ITPRID1: variants seen among roughly 807,000 people sequenced by gnomAD.
The protein encoded by ITPRID1 is ITPR interacting domain containing 1, also known as protein ITPRID1.
Under a neutral mutation model 95.4 loss-of-function variants are expected in ITPRID1, and 96 were observed. That is an observed-to-expected ratio of 1.01 (90% CI 0.85 to 1.19). ITPRID1 has a LOEUF of 1.19. Among genes scored for constraint, ITPRID1 ranks in the 50% most tolerant of loss-of-function variants. The pLI, the probability that ITPRID1 is intolerant of heterozygous loss-of-function variation, is 0.00. For missense variants in ITPRID1, 1,339 were observed against 1,252.9 expected (o/e 1.07, Z -1.04); for synonymous variants, 510 against 453.6 (o/e 1.12, Z -1.58).
At chr7:31,537,296 A>G (rs763982726) in intron 1 of ITPRID1, among the ~76,000 whole-genome samples, 6 of 152,114 alleles carry the variant, frequency 3.9e-5, no homozygotes, top group Non-Finnish European at 7.3e-5. Context: ...AAAGTATTAG[A>G]CACCCCACAA....
At chr7:31,578,904 C>G (rs976708646) in intron 9 of ITPRID1, among the ~76,000 whole-genome samples, 3 of 152,166 alleles carry the variant, frequency 2.0e-5, no homozygotes, top group East Asian at 3.9e-4. Context: ...CCCAAAAAGA[C>G]TCTCAGCTCC....
In ITPRID1 at chr7:31,551,883, A is replaced by C. The variant is rs900395762; in HGVS notation, c.-23-1119A>C. Reference sequence around the variant, plus strand: ...TTGGCCATTTCTGTAAACTTGAAGGATAAACGAATGCAAATTAAAGCATAT... The same window carrying C: ...TTGGCCATTTCTGTAAACTTGAAGGCTAAACGAATGCAAATTAAAGCATAT... On this transcript the variant is annotated intron_variant, in intron 2 of 14. Transcript: ENST00000615280. 9 of 415,458 alleles carry C rather than the reference A, an allele frequency of 2.2e-5. 1 individual carries two copies. The highest frequency in any genetic ancestry group is 4.4e-5 in the Non-Finnish European group (9 of 205,946). The allele number at this position is 415,458 out of a possible 1,614,324, so 25.7% of individuals were successfully genotyped here.
chr7:31,543,793 T>C lies in ITPRID1; in HGVS notation c.-97-5633T>C, dbSNP rs111680263. On this transcript the variant is annotated intron_variant, in intron 1 of 14. Coordinates refer to ENST00000615280, the MANE Select transcript of ITPRID1 (RefSeq NM_001257967.3). ...CATGGAGATCATCGTATCACTTTTT[T>C]ACTTCATGGATTGTTCCTTTGGTGT... Among the ~76,000 whole-genome samples the C allele has an allele frequency of 4.9e-3, 751 of 152,254 alleles. 5 individuals carry two copies. Among genetic ancestry groups the C allele is most frequent in the African/African-American group, 0.017 (715 of 41,556 alleles).
At chr7:31,538,901 C>T (rs552524858) in intron 1 of ITPRID1, among the ~76,000 whole-genome samples, 6 of 152,228 alleles carry the variant, frequency 3.9e-5, no homozygotes, top group African/African-American at 4.8e-5. Flanking sequence ...ACTTTCACCC[C>T]GTAAGTTTTG....
chr7:31,619,724 C>G (rs546037064), intron 10 of ITPRID1, among the ~76,000 whole-genome samples: 19 of 152,054 alleles, frequency 1.2e-4, no homozygotes, highest in African/African-American at 2.4e-5. Context: ...GGTACCAGTT[C>G]CATCTCACTA....
chr7:31,625,483 G>T (rs1788366064), intron 10 of ITPRID1, among the ~76,000 whole-genome samples: 1 of 152,122 alleles, frequency 6.6e-6, no homozygotes, highest in Non-Finnish European at 1.5e-5. Flanking sequence ...GGACATGGAT[G>T]AAATTGGAAA....
chr7:31,627,300 T>A (rs1018389380), intron 10 of ITPRID1, among the ~76,000 whole-genome samples: 5 of 152,132 alleles, frequency 3.3e-5, no homozygotes, highest in African/African-American at 1.2e-4. Flanking sequence ...CAGTAAAAAG[T>A]AATATTGGGG....
At chr7:31,553,812 C>T (rs1784363357) in intron 3 of ITPRID1, among the ~76,000 whole-genome samples, 1 of 152,120 alleles carries the variant, frequency 6.6e-6, no homozygotes, top group Non-Finnish European at 1.5e-5. Context: ...ACAAAATTAG[C>T]CTAGAGTACA....
chr7:31,613,495 A>AT (rs1227818915), intron 10 of ITPRID1, among the ~76,000 whole-genome samples: 1 of 151,950 alleles, frequency 6.6e-6, no homozygotes, highest in Admixed American at 6.6e-5. Flanking sequence ...TTTCTATGGG[A>AT]TTTTTGCAAA....
At chr7:31,650,405 TC>T (rs1486026276) in intron 12 of ITPRID1, among the ~76,000 whole-genome samples, 3 of 152,054 alleles carry the variant, frequency 2.0e-5, no homozygotes, top group African/African-American at 7.2e-5. Context: ...TCCAAAGTTC[TC>T]AGGAGCTGCA....
intron 10 of ITPRID1, among the ~76,000 whole-genome samples, chr7:31,625,639 G>A (rs936023530): frequency 5.9e-5 from 9 of 152,010 alleles, no homozygotes; most frequent in African/African-American, 2.2e-4. Flanking sequence ...GGAGGAGGGG[G>A]GAGGGATAGC....
chr7:31,586,709 T>G, intron 10 of ITPRID1, among the ~76,000 whole-genome samples: 1 of 151,912 alleles, frequency 6.6e-6, no homozygotes, highest in African/African-American at 2.4e-5. Context: ...CTTGTAAATT[T>G]GTTTGAGTTC....
intron 1 of ITPRID1, among the ~76,000 whole-genome samples, chr7:31,522,310 A>G (rs1331968049): frequency 6.6e-6 from 1 of 152,134 alleles, no homozygotes; most frequent in Non-Finnish European, 1.5e-5. Context: ...TGACTTCTCT[A>G]TTTGAAATCC....
intron 2 of ITPRID1, chr7:31,551,878 GA>G: frequency 4.9e-6 from 2 of 412,120 alleles, no homozygotes; most frequent in Admixed American, 2.6e-5. Flanking sequence ...CTGTAAACTT[GA>G]AGGATAAACG....
intron 1 of ITPRID1, chr7:31,529,954 C>G: frequency 1.5e-6 from 1 of 670,402 alleles, no homozygotes; most frequent in Non-Finnish European, 2.6e-6. Context: ...AACTTCTTTA[C>G]CTGCAGCTGT....
At chr7:31,540,252 G>C (rs1049989440) in intron 1 of ITPRID1, among the ~76,000 whole-genome samples, 36 of 152,230 alleles carry the variant, frequency 2.4e-4, no homozygotes, top group African/African-American at 8.4e-4. Flanking sequence ...CTCACTAGAC[G>C]TGGGGGTGAA....
At chr7:31,541,549 T>A (rs770814043) in intron 1 of ITPRID1, among the ~76,000 whole-genome samples, 4 of 152,186 alleles carry the variant, frequency 2.6e-5, no homozygotes, top group Non-Finnish European at 4.4e-5. Context: ...CAATTATAAT[T>A]ATTACTGATA....
At chr7:31,571,214 G>C (rs1049503571) in intron 6 of ITPRID1, among the ~76,000 whole-genome samples, 2 of 152,100 alleles carry the variant, frequency 1.3e-5, no homozygotes, top group East Asian at 1.9e-4. Flanking sequence ...TTTTAGTGGA[G>C]AGGGGGTTTC....
intron 12 of ITPRID1, among the ~76,000 whole-genome samples, chr7:31,649,394 C>T (rs1790762009): frequency 6.6e-6 from 1 of 152,096 alleles, no homozygotes; most frequent in Admixed American, 6.6e-5. Flanking sequence ...AGCTTCAAAA[C>T]AGCCAGCCTG....
Sources: gnomAD v4.1 joint callset for allele counts (sites outside exome capture counted in the v4.1 genomes callset) on GRCh38, gnomAD v4.1.1 for gene constraint, MANE v1.5 for transcripts, NCBI Gene and HGNC (gene_info 2026-07-23, HGNC 2026-07-21) for gene names.